The following SLC24A2 variants were observed in gnomAD, a reference collection of about 807,000 sequenced individuals.
SLC24A2 encodes solute carrier family 24 member 2, also known as sodium/potassium/calcium exchanger 2.
A neutral mutation model predicts 62.0 loss-of-function variants in SLC24A2; 36 were observed. The ratio of observed to expected loss-of-function variants is 0.58; its 90% CI spans 0.44 to 0.77. The LOEUF is 0.77. Among genes scored for constraint, SLC24A2 ranks in the 30% least tolerant of loss-of-function variants. The pLI is 0.00. For synonymous variants in SLC24A2, 358 were observed against 294.0 expected (o/e 1.22, Z -2.23); for missense variants, 846 against 817.9 (o/e 1.03, Z -0.42).
the SLC24A2 span, among the ~76,000 whole-genome samples, chr9:20,037,333 C>CT: frequency 6.6e-6 from 1 of 152,152 alleles, no homozygotes; most frequent in Non-Finnish European, 1.5e-5. Flanking sequence ...CAACCATCCA[C>CT]TTTTTTTGCC....
chr9:19,601,156 ATGCACCAATCAGTGCTCTGTAAAAT>A (rs1429791224), intron 4 of SLC24A2, among the ~76,000 whole-genome samples: 96 of 152,140 alleles, frequency 6.3e-4, no homozygotes, highest in African/African-American at 2.0e-3. Flanking sequence ...AGATTGTAAA[ATGCACCAATCAGTGCTCTGTAAAAT>A]TGCACCAATC....
the SLC24A2 span, among the ~76,000 whole-genome samples, chr9:20,293,309 G>A: frequency 1.3e-5 from 2 of 152,204 alleles, no homozygotes; most frequent in African/African-American, 4.8e-5. Flanking sequence ...CTCCCAGAAA[G>A]GTAGGGTTGG....
chr9:19,606,292 T>C (rs912537621), intron 4 of SLC24A2, among the ~76,000 whole-genome samples: 2 of 152,224 alleles, frequency 1.3e-5, no homozygotes, highest in Non-Finnish European at 2.9e-5. Flanking sequence ...TAAAATGAGA[T>C]TGATTTACTA....
chr9:19,627,215 G>T (rs1349505154), intron 2 of SLC24A2, among the ~76,000 whole-genome samples: 1 of 152,154 alleles, frequency 6.6e-6, no homozygotes, highest in East Asian at 1.9e-4. Context: ...ATGGACAGAA[G>T]GGGTAGAAAT....
chr9:20,034,327 T>A, the SLC24A2 span, among the ~76,000 whole-genome samples: 1 of 152,162 alleles, frequency 6.6e-6, no homozygotes, highest in Non-Finnish European at 1.5e-5. Flanking sequence ...ATGCCTAAAC[T>A]GATTTGAAAC....
intron 5 of SLC24A2, among the ~76,000 whole-genome samples, chr9:19,593,530 A>T (rs373027413): frequency 6.6e-5 from 10 of 152,138 alleles, no homozygotes; most frequent in African/African-American, 2.4e-4. Flanking sequence ...TGCGTGTGAG[A>T]GTAAGTATAT....
the SLC24A2 span, among the ~76,000 whole-genome samples, chr9:19,852,866 G>A: frequency 6.6e-6 from 1 of 152,146 alleles, no homozygotes; most frequent in African/African-American, 2.4e-5. Context: ...GAATGTCAAT[G>A]GTACTTTAAT....
chr9:19,865,211 A>G, the SLC24A2 span, among the ~76,000 whole-genome samples: 1 of 152,186 alleles, frequency 6.6e-6, no homozygotes, highest in Non-Finnish European at 1.5e-5. Context: ...AAGGTATTCC[A>G]TGTTCATGCA....
the SLC24A2 span, among the ~76,000 whole-genome samples, chr9:20,238,896 TC>T: frequency 6.6e-6 from 1 of 152,188 alleles, no homozygotes; most frequent in African/African-American, 2.4e-5. Flanking sequence ...AAGAGAGATC[TC>T]CTTCTCTCCC....
the SLC24A2 span, among the ~76,000 whole-genome samples, chr9:20,100,064 G>A: frequency 6.6e-6 from 1 of 151,780 alleles, no homozygotes; most frequent in Non-Finnish European, 1.5e-5. Flanking sequence ...TGTCACCCAG[G>A]CTGGAGTGCA....
At chr9:19,988,135 T>G in the SLC24A2 span, among the ~76,000 whole-genome samples, 2 of 152,146 alleles carry the variant, frequency 1.3e-5, no homozygotes, top group Non-Finnish European at 2.9e-5. Flanking sequence ...TAGGGTTTTT[T>G]TCCTTTTTTC....
At position 19,710,586 on chromosome 9, in the gene SLC24A2, G is replaced by T. The variant is rs75875676; in HGVS notation, c.930+75351C>A. ...TTCAGGTGCTCAACAAACTAAAAGT[G>T]CTAGGATATGAGTCTGGGGAGGAAG... On this transcript the variant is annotated intron_variant, in intron 2 of 10. Coordinates refer to ENST00000341998, the MANE Select transcript of SLC24A2 (RefSeq NM_020344.4). Among the ~76,000 whole-genome samples, 760 of 152,288 alleles carry T rather than the reference G, an allele frequency of 5.0e-3. 5 individuals carry two copies. Among genetic ancestry groups the T allele is most frequent in the African/African-American group, 0.017 (717 of 41,554 alleles).
the SLC24A2 span, among the ~76,000 whole-genome samples, chr9:20,300,797 C>A: frequency 1.3e-5 from 2 of 152,064 alleles, no homozygotes; most frequent in African/African-American, 4.8e-5. Context: ...TCTTGGGGAC[C>A]ATGTCTTAGG....
chr9:20,053,254 G>C, the SLC24A2 span, among the ~76,000 whole-genome samples: 1 of 152,074 alleles, frequency 6.6e-6, no homozygotes, highest in East Asian at 1.9e-4. Context: ...ATAATTATCT[G>C]TTGACCACTA....
chr9:20,184,321 C>T, the SLC24A2 span, among the ~76,000 whole-genome samples: 9 of 152,080 alleles, frequency 5.9e-5, no homozygotes, highest in East Asian at 5.8e-4. Flanking sequence ...GAGGCTGAGG[C>T]GGGCAGACCA....
At chr9:19,930,428 T>C in the SLC24A2 span, among the ~76,000 whole-genome samples, 4 of 152,208 alleles carry the variant, frequency 2.6e-5, no homozygotes, top group African/African-American at 9.7e-5. Flanking sequence ...ACAGCCTAGG[T>C]GTGTAGGTGG....
chr9:20,079,175 C>T, the SLC24A2 span, among the ~76,000 whole-genome samples: 1 of 151,492 alleles, frequency 6.6e-6, no homozygotes, highest in African/African-American at 2.4e-5. Flanking sequence ...TATGCAGCCA[C>T]CAGAAGCTGG....
chr9:19,848,705 G>A, the SLC24A2 span, among the ~76,000 whole-genome samples: 29 of 151,816 alleles, frequency 1.9e-4, no homozygotes, highest in African/African-American at 6.8e-4. Flanking sequence ...TCACATAAAG[G>A]GTAGTAGGTG....
the SLC24A2 span, among the ~76,000 whole-genome samples, chr9:20,082,580 G>A: frequency 6.6e-6 from 1 of 152,178 alleles, no homozygotes; most frequent in African/African-American, 2.4e-5. Flanking sequence ...CTGCTCTGAG[G>A]CACCATCACC....
Sources: allele counts gnomAD v4.1 joint callset (sites outside exome capture counted in the v4.1 genomes callset), GRCh38; gene constraint gnomAD v4.1.1; transcripts MANE v1.5; gene names NCBI Gene and HGNC (gene_info 2026-07-23, HGNC 2026-07-21).